CDH8: variants seen among roughly 807,000 people sequenced by gnomAD.
The protein encoded by CDH8 is cadherin 8.
In CDH8, 17 loss-of-function variants were observed where a neutral mutation model predicts 68.1. That is an observed-to-expected ratio of 0.25 (90% CI 0.17 to 0.37). The LOEUF is 0.37. Ranked by LOEUF, CDH8 falls within the 10% of genes least tolerant of loss-of-function variation. The pLI, the probability that CDH8 is intolerant of heterozygous loss-of-function variation, is 1.00. For synonymous variants in CDH8, 372 were observed against 365.1 expected, an observed-to-expected ratio of 1.02 and a Z score of -0.21; for missense variants, 763 against 999.3, an observed-to-expected ratio of 0.76 and a Z score of 3.19.
At chr16:61,749,152 C>T (rs1489413061) in intron 8 of CDH8, among the ~76,000 whole-genome samples, 3 of 151,788 alleles carry the variant, frequency 2.0e-5, no homozygotes, top group Non-Finnish European at 4.4e-5. Flanking sequence ...GGTATCAGAA[C>T]ATTTGACATC....
chr16:61,920,635 A>C, intron 2 of CDH8, among the ~76,000 whole-genome samples: 1 of 30,126 alleles, frequency 3.3e-5, no homozygotes, highest in African/African-American at 1.3e-4. Flanking sequence ...GAGAAATAGG[A>C]ACACTTTTAC....
Position 62,021,464 on chromosome 16 carries a change from C to G in CDH8, c.-61G>C. 1 of 1,549,984 alleles carries G rather than the reference C, an allele frequency of 6.5e-7. No individual in the cohort carries two copies. The highest frequency in any genetic ancestry group is 8.7e-7 in the Non-Finnish European group (1 of 1,149,004). On this transcript the variant is annotated 5_prime_UTR_variant, in exon 2 of 12. Transcript: ENST00000577390. ...GACAATTATTTTTTTTGTCTCCGGT[C>G]TGCAGCCATCCAATTCATCATGCAG...
chr16:61,846,894 A>C (rs74023268), intron 4 of CDH8, among the ~76,000 whole-genome samples: 4,231 of 152,190 alleles, frequency 0.028, 186 homozygotes, highest in African/African-American at 0.097. Flanking sequence ...CTAAAGAGAA[A>C]ACACTAGTGA....
At chr16:61,688,636 T>C (rs1408453265) in intron 10 of CDH8, among the ~76,000 whole-genome samples, 1 of 151,944 alleles carries the variant, frequency 6.6e-6, no homozygotes, top group Non-Finnish European at 1.5e-5. Flanking sequence ...AGATGGATCA[T>C]ATCCCAGTGG....
At chr16:61,685,743 T>C (rs1964094436) in intron 10 of CDH8, among the ~76,000 whole-genome samples, 1 of 151,946 alleles carries the variant, frequency 6.6e-6, no homozygotes, top group Admixed American at 6.6e-5. Context: ...TTCTTTGTGT[T>C]TTCCATCACT....
intron 8 of CDH8, among the ~76,000 whole-genome samples, chr16:61,787,274 G>A (rs1015629784): frequency 6.1e-5 from 9 of 147,856 alleles, no homozygotes; most frequent in African/African-American, 1.7e-4. Context: ...TCAAAAAGTG[G>A]GCAAAGGACA....
intron 3 of CDH8, among the ~76,000 whole-genome samples, chr16:61,898,450 A>G (rs1021086629): frequency 1.2e-4 from 18 of 152,198 alleles, no homozygotes; most frequent in African/African-American, 4.1e-4. Context: ...GAATGGGTGT[A>G]TCTACCAAAG....
chr16:61,740,502 C>T (rs1959841409), intron 8 of CDH8, among the ~76,000 whole-genome samples: 1 of 152,106 alleles, frequency 6.6e-6, no homozygotes, highest in Admixed American at 6.6e-5. Context: ...CTATCACTTA[C>T]ATCAAGATAT....
At chr16:61,943,707 G>C (rs1008672083) in intron 2 of CDH8, among the ~76,000 whole-genome samples, 1 of 152,150 alleles carries the variant, frequency 6.6e-6, no homozygotes, top group Non-Finnish European at 1.5e-5. Flanking sequence ...GTGAGACAGA[G>C]TCCCTTTCTC....
intron 9 of CDH8, among the ~76,000 whole-genome samples, chr16:61,722,755 A>G (rs1439450840): frequency 6.6e-6 from 1 of 150,876 alleles, no homozygotes; most frequent in East Asian, 1.9e-4. Flanking sequence ...CATATCATCC[A>G]GAAGTATAAG....
At chr16:61,958,337 T>C (rs921133844) in intron 2 of CDH8, among the ~76,000 whole-genome samples, 1 of 152,192 alleles carries the variant, frequency 6.6e-6, no homozygotes, top group Non-Finnish European at 1.5e-5. Flanking sequence ...TATTTGAAAG[T>C]TGAATGTACC....
In CDH8 at chr16:61,650,975, A is replaced by G. The variant is rs1315354358; in HGVS notation, c.*2633T>C. ...CTTAGGCGATATTTGGGCAACTAGT[A>G]GAGCAGACATTATCTCCTGCTCACA... On this transcript the variant is annotated 3_prime_UTR_variant, in exon 12 of 12. Coordinates refer to ENST00000577390, the MANE Select transcript of CDH8 (RefSeq NM_001796.5). 6.6e-6 allele frequency: 1 copy of G among 152,132 alleles called. No individual in the cohort carries two copies. The highest frequency in any genetic ancestry group is 1.9e-4 in the East Asian group (1 of 5,172). 9.4% of individuals were successfully genotyped at this position (152,132 alleles called of 1,614,324 possible). A position where few individuals can be genotyped will look rare whatever the true frequency, so the allele number is the denominator to read the frequency against.
chr16:61,697,497 A>T (rs58019648), intron 10 of CDH8, among the ~76,000 whole-genome samples: 17,574 of 147,002 alleles, frequency 0.12, 1,028 homozygotes, highest in African/African-American at 0.13. Flanking sequence ...TTGGAGAGTT[A>T]TTTTTTTTTT....
At chr16:61,710,705 G>A (rs1282775392) in intron 10 of CDH8, 1 of 151,892 alleles carries the variant, frequency 6.6e-6, no homozygotes, top group Non-Finnish European at 1.5e-5. Flanking sequence ...AACCATGAGG[G>A]CTCCCATTTC....
chr16:61,828,602 A>T (rs2143002799), intron 4 of CDH8, among the ~76,000 whole-genome samples: 1 of 151,936 alleles, frequency 6.6e-6, no homozygotes, highest in Middle Eastern at 3.4e-3. Context: ...AATCTCAGAA[A>T]AATTTACAAA....
At chr16:61,690,858 G>A (rs1166787169) in intron 10 of CDH8, among the ~76,000 whole-genome samples, 1 of 151,942 alleles carries the variant, frequency 6.6e-6, no homozygotes, top group Non-Finnish European at 1.5e-5. Context: ...GCTGATTGCA[G>A]TCTACAAAAT....
At chr16:61,739,434 T>A (rs537813887) in intron 8 of CDH8, among the ~76,000 whole-genome samples, 1 of 152,190 alleles carries the variant, frequency 6.6e-6, no homozygotes, top group Admixed American at 6.6e-5. Flanking sequence ...TGATCTGTTA[T>A]ACCTCACTCT....
At chr16:61,750,672 A>G (rs969038136) in intron 8 of CDH8, among the ~76,000 whole-genome samples, 5 of 152,006 alleles carry the variant, frequency 3.3e-5, no homozygotes, top group African/African-American at 1.2e-4. Flanking sequence ...TGGTGATGTC[A>G]CTCCCAGGAT....
chr16:61,952,473 C>A (rs1347152992), intron 2 of CDH8, among the ~76,000 whole-genome samples: 1 of 152,048 alleles, frequency 6.6e-6, no homozygotes, highest in Non-Finnish European at 1.5e-5. Context: ...GAGAGCTTCT[C>A]AAATGAAGTA....
Sources: gnomAD v4.1 joint callset for allele counts (sites outside exome capture counted in the v4.1 genomes callset) on GRCh38, gnomAD v4.1.1 for gene constraint, MANE v1.5 for transcripts, NCBI Gene and HGNC (gene_info 2026-07-23, HGNC 2026-07-21) for gene names.